CPED1: variants seen among roughly 807,000 people sequenced by gnomAD.
CPED1 encodes the protein cadherin like and PC-esterase domain containing 1.
Under a neutral mutation model 128.2 loss-of-function variants are expected in CPED1, and 114 were observed. The observed-to-expected ratio is 0.89, with a 90% CI of 0.76 to 1.04. The LOEUF is 1.04. Among genes scored for constraint, CPED1 ranks in the 50% least tolerant of loss-of-function variants. The probability of loss-of-function intolerance (pLI) is 0.00; values close to 1 mark genes in which losing one functional copy is unlikely to be tolerated. For missense variants in CPED1, 1,211 were observed against 1,207.1 expected, an observed-to-expected ratio of 1.00 and a Z score of -0.05; for synonymous variants, 462 against 426.7, an observed-to-expected ratio of 1.08 and a Z score of -1.02.
chr7:121,115,520 A>G (rs1795216561), intron 7 of CPED1, among the ~76,000 whole-genome samples: 1 of 152,138 alleles, frequency 6.6e-6, no homozygotes, highest in African/African-American at 2.4e-5. Context: ...TAAAATAGAT[A>G]CCCTGCATAA....
chr7:120,990,196 T>C (rs1252911306), intron 2 of CPED1, among the ~76,000 whole-genome samples: 2 of 152,150 alleles, frequency 1.3e-5, no homozygotes, highest in Non-Finnish European at 2.9e-5. Context: ...GATTTACAAT[T>C]CAAAAACATA....
At chr7:121,074,696 C>T (rs188484188) in intron 5 of CPED1, among the ~76,000 whole-genome samples, 24 of 151,950 alleles carry the variant, frequency 1.6e-4, no homozygotes, top group Non-Finnish European at 3.5e-4. Context: ...AATTATTAAG[C>T]CATCCTTTGC....
At chr7:121,250,409 G>T (rs1432624923) in intron 18 of CPED1, among the ~76,000 whole-genome samples, 1 of 151,536 alleles carries the variant, frequency 6.6e-6, no homozygotes, top group Non-Finnish European at 1.5e-5. Flanking sequence ...ACAATTAAAA[G>T]AACTAGAGAA....
intron 16 of CPED1, among the ~76,000 whole-genome samples, chr7:121,196,198 AATGG>A (rs1261485172): frequency 2.0e-5 from 3 of 151,984 alleles, no homozygotes; most frequent in Non-Finnish European, 4.4e-5. Context: ...TGGTGAATAA[AATGG>A]TGGGGAGAAG....
At chr7:121,199,454 C>A (rs1306539895) in intron 16 of CPED1, among the ~76,000 whole-genome samples, 1 of 151,672 alleles carries the variant, frequency 6.6e-6, no homozygotes, top group African/African-American at 2.4e-5. Context: ...CAGAGGTGGG[C>A]AGATCACGAG....
intron 18 of CPED1, chr7:121,261,785 T>C: frequency 6.6e-7 from 1 of 1,516,890 alleles, no homozygotes; most frequent in Non-Finnish European, 8.9e-7. Flanking sequence ...TAAACTTTAA[T>C]TGGGTTTGAC....
intron 16 of CPED1, among the ~76,000 whole-genome samples, chr7:121,234,057 A>C (rs1798197876): frequency 6.6e-6 from 1 of 152,078 alleles, no homozygotes; most frequent in African/African-American, 2.4e-5. Flanking sequence ...GTTCACTTAC[A>C]TTTCTTTGAC....
intron 16 of CPED1, among the ~76,000 whole-genome samples, chr7:121,161,727 C>A (rs748585103): frequency 6.6e-6 from 1 of 151,950 alleles, no homozygotes; most frequent in Non-Finnish European, 1.5e-5. Context: ...AGCTTTGGAT[C>A]AAAATGAGAA....
intron 22 of CPED1, among the ~76,000 whole-genome samples, chr7:121,288,470 T>G (rs746331843): frequency 6.6e-6 from 1 of 152,168 alleles, no homozygotes; most frequent in Non-Finnish European, 1.5e-5. Flanking sequence ...GACATCAATT[T>G]AGTGATCTCT....
chr7:121,020,682 A>G (rs1327868336), intron 3 of CPED1, among the ~76,000 whole-genome samples: 1 of 151,960 alleles, frequency 6.6e-6, no homozygotes, highest in Non-Finnish European at 1.5e-5. Flanking sequence ...ATTAAGCACC[A>G]AACTGGTTAT....
intron 18 of CPED1, among the ~76,000 whole-genome samples, chr7:121,247,991 C>T (rs1012794516): frequency 1.3e-5 from 2 of 152,222 alleles, no homozygotes; most frequent in Non-Finnish European, 2.9e-5. Flanking sequence ...CTCCACTGCA[C>T]AGCTGGATGC....
intron 4 of CPED1, among the ~76,000 whole-genome samples, chr7:121,056,018 G>A (rs1793491840): frequency 6.6e-6 from 1 of 151,868 alleles, no homozygotes; most frequent in Admixed American, 6.6e-5. Context: ...TAAAAAATTG[G>A]AACCAAAATA....
chr7:121,102,438 A>C (rs559986215), intron 7 of CPED1, among the ~76,000 whole-genome samples: 7 of 152,232 alleles, frequency 4.6e-5, no homozygotes, highest in African/African-American at 1.7e-4. Context: ...AACATGAAGA[A>C]ACCACTTTTG....
intron 3 of CPED1, among the ~76,000 whole-genome samples, chr7:121,021,666 G>A (rs776866250): frequency 6.6e-6 from 1 of 151,916 alleles, no homozygotes; most frequent in Non-Finnish European, 1.5e-5. Context: ...GGAGTCCTTA[G>A]TGTTACCTTT....
intron 3 of CPED1, among the ~76,000 whole-genome samples, chr7:121,041,617 T>C (rs1793054656): frequency 6.6e-6 from 1 of 152,140 alleles, no homozygotes; most frequent in Non-Finnish European, 1.5e-5. Flanking sequence ...GGAGGTCATT[T>C]GTGAGCCAGG....
chr7:121,221,871 G>T (rs1490678275), intron 16 of CPED1, among the ~76,000 whole-genome samples: 3 of 151,936 alleles, frequency 2.0e-5, no homozygotes, highest in African/African-American at 7.3e-5. Flanking sequence ...TTGTCAGATG[G>T]GTAGATTGCA....
intron 5 of CPED1, among the ~76,000 whole-genome samples, chr7:121,096,471 A>G (rs1242555200): frequency 6.6e-6 from 1 of 152,146 alleles, no homozygotes; most frequent in Admixed American, 6.6e-5. Flanking sequence ...ACTGTTGGAG[A>G]GAGTGGAAAT....
chr7:120,992,342 C>A (rs1289028726), intron 2 of CPED1, among the ~76,000 whole-genome samples: 1 of 152,050 alleles, frequency 6.6e-6, no homozygotes, highest in Non-Finnish European at 1.5e-5. Flanking sequence ...GTTACTTAAA[C>A]CAGCTGATTT....
At chr7:121,281,934 G>A (rs1792473016) in intron 22 of CPED1, among the ~76,000 whole-genome samples, 1 of 152,146 alleles carries the variant, frequency 6.6e-6, no homozygotes. Flanking sequence ...GTACTTCAAT[G>A]TAGCAAATTC....
Sources: allele counts gnomAD v4.1 joint callset (sites outside exome capture counted in the v4.1 genomes callset), GRCh38; gene constraint gnomAD v4.1.1; transcripts MANE v1.5; gene names NCBI Gene and HGNC (gene_info 2026-07-23, HGNC 2026-07-21).